Variants in SVEP1 observed in about 807,000 individuals in gnomAD.
The protein encoded by SVEP1 is sushi, von Willebrand factor type A, EGF and pentraxin domain-containing protein 1.
In SVEP1, 164 loss-of-function variants were observed where a neutral mutation model predicts 367.3. That is an observed-to-expected ratio of 0.45 (90% CI 0.39 to 0.51). SVEP1 has a LOEUF of 0.51. SVEP1 is among the 20% of genes least tolerant of loss of function. The pLI is 0.00. For synonymous variants in SVEP1, 1,666 were observed against 1,611.6 expected (o/e 1.03, Z -0.81); for missense variants, 4,117 against 4,425.3 (o/e 0.93, Z 1.98).
intron 46 of SVEP1, among the ~76,000 whole-genome samples, chr9:110,370,577 C>T (rs896795304): frequency 2.2e-4 from 33 of 152,146 alleles, no homozygotes; most frequent in African/African-American, 6.5e-4. Flanking sequence ...ACATATTTCA[C>T]GGCTTTTGTC....
intron 3 of SVEP1, among the ~76,000 whole-genome samples, chr9:110,516,739 G>A (rs1469597055): frequency 6.6e-6 from 1 of 152,142 alleles, no homozygotes; most frequent in African/African-American, 2.4e-5. Context: ...GTAAAAAGAA[G>A]CCATATAACT....
At chr9:110,394,997 GAGACCACCACAA>G (rs1295944196) in intron 40 of SVEP1, among the ~76,000 whole-genome samples, 1 of 152,100 alleles carries the variant, frequency 6.6e-6, no homozygotes, top group African/African-American at 2.4e-5. Context: ...AAGAAATACA[GAGACCACCACAA>G]AGATACTCCT....
chr9:110,502,293 C>A lies in SVEP1; in HGVS notation c.1483+745G>T, dbSNP rs572251914. On this transcript the variant is annotated intron_variant, in intron 6 of 47. Coordinates refer to ENST00000374469, the MANE Select transcript of SVEP1 (RefSeq NM_153366.4). ...ATTTTTTTAGTATTTTTAGTAGAGACAGCGTTTCACCATGTTAGCCAGGCT... is the reference window on the plus strand; with the variant it reads ...ATTTTTTTAGTATTTTTAGTAGAGAAAGCGTTTCACCATGTTAGCCAGGCT... Among the ~76,000 whole-genome samples, 40 of 151,920 alleles carry A rather than the reference C, an allele frequency of 2.6e-4. No homozygotes were observed. In the South Asian group the frequency reaches 7.9e-3, roughly 30 times the overall value.
intron 18 of SVEP1, among the ~76,000 whole-genome samples, chr9:110,464,377 T>C (rs1204726016): frequency 6.6e-6 from 1 of 152,228 alleles, no homozygotes; most frequent in Non-Finnish European, 1.5e-5. Context: ...TTGATCCTAC[T>C]AGACTGAGAT....
At position 110,482,462 on chromosome 9, in the gene SVEP1, G is replaced by A. The variant is rs771878438; in HGVS notation, c.2069C>T (p.Thr690Ile). ...CCCTTGAGGGAAAAGGTCTCCTTGT[G>A]TATGACTTCTGGTAATGACCAATTC... ...GAELVITRSH[T>I]QGDLFPQGET... is the part of the protein sequence containing the mutation. The change falls in exon 11 of 48, where the codon ACA (threonine) becomes ATA (isoleucine). Residue 690 changes from threonine to isoleucine, a missense_variant. Transcript: ENST00000374469. 2 of 1,585,326 alleles carry A rather than the reference G, an allele frequency of 1.3e-6. No homozygotes were observed. The highest frequency in any genetic ancestry group is 1.8e-5 in the Admixed American group (1 of 54,754).
At chr9:110,414,121 C>T (rs1828083818) in intron 36 of SVEP1, among the ~76,000 whole-genome samples, 3 of 151,938 alleles carry the variant, frequency 2.0e-5, no homozygotes, top group Admixed American at 2.0e-4. Context: ...TTCTGGGTGT[C>T]CTGGGCAAAC....
At chr9:110,505,048 C>A (rs1358419515) in intron 5 of SVEP1, among the ~76,000 whole-genome samples, 1 of 152,170 alleles carries the variant, frequency 6.6e-6, no homozygotes, top group Non-Finnish European at 1.5e-5. Context: ...GAAAACGCCC[C>A]CGTACCTCAG....
intron 41 of SVEP1, among the ~76,000 whole-genome samples, chr9:110,388,229 G>C (rs996792200): frequency 6.6e-6 from 1 of 152,146 alleles, no homozygotes; most frequent in African/African-American, 2.4e-5. Flanking sequence ...TGAGGAATAT[G>C]CTGACTTCAT....
At chr9:110,466,167 GC>G (rs529272315) in intron 17 of SVEP1, 141 bp from the exon 18 acceptor site, 98 of 832,394 alleles carry the variant, frequency 1.2e-4, no homozygotes, top group Non-Finnish European at 1.7e-4. Context: ...TCTCCTGTTA[GC>G]TAAGCATACG....
At chr9:110,449,455 T>A (rs1162232705) in intron 24 of SVEP1, among the ~76,000 whole-genome samples, 2 of 152,140 alleles carry the variant, frequency 1.3e-5, no homozygotes, top group African/African-American at 4.8e-5. Flanking sequence ...CTAAAGCACA[T>A]GTGGCTCATC....
chr9:110,379,822 C>A (rs1237384118), intron 43 of SVEP1, among the ~76,000 whole-genome samples: 1 of 152,104 alleles, frequency 6.6e-6, no homozygotes, highest in Non-Finnish European at 1.5e-5. Flanking sequence ...TAAATGGCTG[C>A]AAGAGACTTT....
At chr9:110,441,930 C>T (rs1464868016) in intron 27 of SVEP1, among the ~76,000 whole-genome samples, 2 of 152,218 alleles carry the variant, frequency 1.3e-5, no homozygotes, top group Non-Finnish European at 2.9e-5. Context: ...CAATCCTTAA[C>T]CTACACCACA....
At chr9:110,413,102 T>G (rs12685547) in intron 36 of SVEP1, among the ~76,000 whole-genome samples, 1 of 139,478 alleles carries the variant, frequency 7.2e-6, no homozygotes, top group Non-Finnish European at 1.5e-5. Context: ...GTATGTTTAT[T>G]GCGGCACTAT....
At chr9:110,393,286 A>T (rs950575715) in intron 40 of SVEP1, among the ~76,000 whole-genome samples, 3 of 152,222 alleles carry the variant, frequency 2.0e-5, no homozygotes, top group Non-Finnish European at 2.9e-5. Flanking sequence ...TGAGGAAAGA[A>T]GATATATATA....
At chr9:110,547,708 G>A (rs530297281) in intron 2 of SVEP1, among the ~76,000 whole-genome samples, 2 of 152,200 alleles carry the variant, frequency 1.3e-5, no homozygotes, top group East Asian at 1.9e-4. Context: ...TATGTCTATC[G>A]AGAATGGCCA....
At chr9:110,472,012 G>A in intron 15 of SVEP1, 147 bp downstream of exon 15, 2 of 847,188 alleles carry the variant, frequency 2.4e-6, no homozygotes, top group Non-Finnish European at 3.6e-6. Flanking sequence ...AGCAAAAGAT[G>A]ACAAGGCTTA....
Position 110,385,994 on chromosome 9 carries a change from A to T in SVEP1, c.10141T>A (p.Ser3381Thr). The change falls in exon 43 of 48, where the codon TCC becomes ACC. Residue 3381 changes from serine to threonine, a missense_variant. Transcript: ENST00000374469. ...AGAAAACCTTCCCTACATTTGATGG[A>T]CACATTCTGATCAACATAAAACTCC... ...EKEFYVDQNVSIKCREGFLLQ... is the reference protein window; with the variant it reads ...EKEFYVDQNVTIKCREGFLLQ... 1 of 1,613,966 alleles carries T rather than the reference A, an allele frequency of 6.2e-7. No homozygotes were observed. The highest frequency in any genetic ancestry group is 8.5e-7 in the Non-Finnish European group (1 of 1,179,858).
At chr9:110,415,626 T>C (rs1828108731) in intron 36 of SVEP1, among the ~76,000 whole-genome samples, 2 of 151,870 alleles carry the variant, frequency 1.3e-5, no homozygotes, top group South Asian at 2.1e-4. Context: ...AATCAACTCC[T>C]TGGGGAAAAG....
In SVEP1 at chr9:110,375,465, TAAAAAAAAAAAAAAAA is replaced by T. The variant is rs71373993; in HGVS notation, c.10505-18_10505-3del. On this transcript the variant is annotated splice_region_variant and splice_polypyrimidine_tract_variant and intron_variant, in intron 45 of 47. Transcript: ENST00000374469. The stretch of plus-strand genomic sequence containing the variant: ...TCAGACAGGGAAGAATGCAGATTGC[TAAAAAAAAAAAAAAAA>T]AAAAAAAAAGGAGGCAGGGGGGATT... 15 of 557,894 alleles carry T rather than the reference TAAAAAAAAAAAAAAAA, an allele frequency of 2.7e-5. 1 individual carries two copies. In the African/African-American group the frequency reaches 3.0e-4, roughly 11 times the overall value. 34.6% of individuals were successfully genotyped at this position (557,894 alleles called of 1,614,324 possible).
Sources: allele counts gnomAD v4.1 joint callset (sites outside exome capture counted in the v4.1 genomes callset), GRCh38; gene constraint gnomAD v4.1.1; transcripts MANE v1.5; gene names NCBI Gene and HGNC (gene_info 2026-07-23, HGNC 2026-07-21).